The following REPS2 variants were observed in gnomAD, a reference collection of about 807,000 sequenced individuals.
REPS2 encodes ralBP1-associated Eps domain-containing protein 2.
Under a neutral mutation model 53.6 loss-of-function variants are expected in REPS2, and 23 were observed. The observed-to-expected ratio is 0.43, with a 90% CI of 0.31 to 0.61. The LOEUF (loss-of-function observed/expected upper bound fraction) is 0.61, where lower values mean the gene tolerates loss of function less well. REPS2 is among the 20% of genes least tolerant of loss of function. The pLI, the probability that REPS2 is intolerant of heterozygous loss-of-function variation, is 0.11. For missense variants in REPS2, 446 were observed against 534.9 expected, an observed-to-expected ratio of 0.83 and a Z score of 1.64; for synonymous variants, 238 against 218.6, an observed-to-expected ratio of 1.09 and a Z score of -0.78.
the REPS2 span, among the ~76,000 whole-genome samples, chrX:17,167,971 A>G: frequency 9.0e-6 from 1 of 111,548 alleles, no homozygotes; most frequent in Admixed American, 9.6e-5. Flanking sequence ...TTTACTTCCA[A>G]CAAGATATCA....
At chrX:17,191,032 G>A in the REPS2 span, among the ~76,000 whole-genome samples, 1 of 111,268 alleles carries the variant, frequency 9.0e-6, no homozygotes, top group African/African-American at 3.3e-5. Context: ...AAACAGAGGA[G>A]GAAGTCTTTG....
intron 1 of REPS2, among the ~76,000 whole-genome samples, chrX:16,951,559 A>ACACACACAC (rs879259718): frequency 0.025 from 926 of 37,485 alleles, 36 homozygotes; most frequent in East Asian, 0.046. Flanking sequence ...ACACACACAC[A>ACACACACAC]CCCCCGCTAC....
chrX:17,050,701 G>GT lies in REPS2; in HGVS notation c.908-1671dup, dbSNP rs1031895723. Among the ~76,000 whole-genome samples the GT allele has an allele frequency of 2.1e-4, 22 of 106,360 alleles. No homozygotes were observed. In the East Asian group the frequency reaches 2.3e-3, roughly 11 times the overall value. 92.4% of individuals were successfully genotyped at this position (106,360 alleles called of 115,157 possible). ...CTCTTTCATTTAGCATAATGTTTTA[G>GT]TTTTTTTTTTAATTAAAACATTTGT... On this transcript the variant is annotated intron_variant, in intron 6 of 17. Transcript: ENST00000357277.
chrX:16,953,518 G>A (rs940344039), intron 1 of REPS2, among the ~76,000 whole-genome samples: 12 of 111,307 alleles, frequency 1.1e-4, no homozygotes, highest in Non-Finnish European at 2.3e-4. Context: ...TACTTTTATT[G>A]TATGTATATG....
intron 13 of REPS2, among the ~76,000 whole-genome samples, chrX:17,078,108 G>A (rs1236420836): frequency 8.9e-6 from 1 of 112,425 alleles, no homozygotes; most frequent in African/African-American, 3.2e-5. Flanking sequence ...TGGGAGGCAT[G>A]CCTTTGCTTT....
intron 2 of REPS2, 28 bp downstream of exon 2, chrX:17,006,372 T>C (rs767360607): frequency 1.7e-6 from 2 of 1,188,835 alleles, no homozygotes; most frequent in Non-Finnish European, 2.3e-6. Flanking sequence ...GTATGTTTTA[T>C]TGTCCATGGC....
chrX:17,120,330 G>A (rs1318570531), intron 14 of REPS2, among the ~76,000 whole-genome samples: 2 of 112,051 alleles, frequency 1.8e-5, no homozygotes, highest in African/African-American at 6.5e-5. Context: ...GAGGATTTAA[G>A]AGCATGGGCT....
chrX:17,196,490 C>T, the REPS2 span, among the ~76,000 whole-genome samples: 1 of 111,367 alleles, frequency 9.0e-6, no homozygotes, highest in African/African-American at 3.3e-5. Context: ...AAAGAGGCCC[C>T]AGAGAGCTGC....
At chrX:17,144,230 G>T (rs1344428313) in intron 17 of REPS2, among the ~76,000 whole-genome samples, 1 of 112,597 alleles carries the variant, frequency 8.9e-6, no homozygotes, top group African/African-American at 3.2e-5. Context: ...CCTATTTCTG[G>T]CCCAGTATCT....
intron 10 of REPS2, 94 bp from the exon 11 acceptor site, chrX:17,069,846 T>C (rs2062279487): frequency 2.1e-6 from 1 of 478,343 alleles, no homozygotes; most frequent in African/African-American, 2.5e-5. Context: ...GATTCTTTGT[T>C]TGAATCCAAT....
At chrX:17,059,828 G>A (rs1211685190) in intron 8 of REPS2, among the ~76,000 whole-genome samples, 2 of 111,150 alleles carry the variant, frequency 1.8e-5, no homozygotes, top group East Asian at 2.8e-4. Context: ...TTGCAATTAT[G>A]GAAATAGTCC....
chrX:16,992,921 G>T (rs1156469374), intron 1 of REPS2, among the ~76,000 whole-genome samples: 2 of 112,105 alleles, frequency 1.8e-5, no homozygotes, highest in African/African-American at 6.5e-5. Context: ...TTCATATCCA[G>T]AAAATATTAT....
At chrX:17,027,557 C>G (rs1457339341) in intron 4 of REPS2, among the ~76,000 whole-genome samples, 1 of 110,681 alleles carries the variant, frequency 9.0e-6, no homozygotes, top group Non-Finnish European at 1.9e-5. Context: ...TGTCATTTCC[C>G]TGGCTCCTAG....
chrX:17,138,970 T>C lies in REPS2; in HGVS notation c.1914+9T>C, dbSNP rs1279107433. 2 of 1,121,551 alleles carry C rather than the reference T, an allele frequency of 1.8e-6. No individual in the cohort carries two copies. The highest frequency in any genetic ancestry group is 4.0e-5 in the South Asian group (2 of 49,494). The allele number at this position is 1,121,551 out of a possible 1,213,427, so 92.4% of individuals were successfully genotyped here. Reference sequence around the variant, plus strand: ...TCCAGCAGCAGCTCAAGGTAAGGAATGAGTCCCAGATTTGGATGACCAGGC... The same window carrying C: ...TCCAGCAGCAGCTCAAGGTAAGGAACGAGTCCCAGATTTGGATGACCAGGC... On this transcript the variant is annotated intron_variant, in intron 17 of 17. Coordinates refer to ENST00000357277, the MANE Select transcript of REPS2 (RefSeq NM_004726.3).
chrX:17,181,706 T>C, the REPS2 span, among the ~76,000 whole-genome samples: 4 of 112,571 alleles, frequency 3.6e-5, no homozygotes, highest in South Asian at 1.1e-3. Context: ...TACAAATAGG[T>C]ACTCAATAAA....
chrX:16,983,824 A>G (rs1195817135), intron 1 of REPS2, among the ~76,000 whole-genome samples: 4 of 112,501 alleles, frequency 3.6e-5, no homozygotes, highest in Admixed American at 9.4e-5. Flanking sequence ...GTTTTTGATG[A>G]AGACATTGAG....
chrX:17,032,560 G>A (rs760679772), intron 5 of REPS2, among the ~76,000 whole-genome samples: 1 of 111,947 alleles, frequency 8.9e-6, no homozygotes, highest in East Asian at 2.8e-4. Context: ...AAGGTTCTTG[G>A]TGATAAGGGA....
intron 1 of REPS2, among the ~76,000 whole-genome samples, chrX:16,993,277 C>T (rs184345728): frequency 5.4e-5 from 6 of 112,141 alleles, no homozygotes; most frequent in Admixed American, 4.7e-4. Flanking sequence ...GACAGCCTCC[C>T]CATTGTGCTC....
At chrX:16,996,397 G>A in intron 1 of REPS2, among the ~76,000 whole-genome samples, 1 of 111,806 alleles carries the variant, frequency 8.9e-6, no homozygotes, top group Middle Eastern at 4.6e-3. Flanking sequence ...TGTGCTGGTT[G>A]TCATGAGATC....
Sources: gnomAD v4.1 joint callset for allele counts (sites outside exome capture counted in the v4.1 genomes callset) on GRCh38, gnomAD v4.1.1 for gene constraint, MANE v1.5 for transcripts, NCBI Gene and HGNC (gene_info 2026-07-23, HGNC 2026-07-21) for gene names.